The following CACNA2D2 variants were observed in gnomAD, a reference collection of about 807,000 sequenced individuals.
The protein encoded by CACNA2D2 is voltage-dependent calcium channel subunit alpha-2/delta-2.
Under a neutral mutation model 166.4 loss-of-function variants are expected in CACNA2D2, and 48 were observed. The ratio of observed to expected loss-of-function variants is 0.29; its 90% CI spans 0.23 to 0.37. CACNA2D2 has a LOEUF of 0.37. Among genes scored for constraint, CACNA2D2 ranks in the 10% least tolerant of loss-of-function variants. CACNA2D2 has a pLI of 1.00. For missense variants in CACNA2D2, 1,122 were observed against 1,433.0 expected, an observed-to-expected ratio of 0.78 and a Z score of 3.50; for synonymous variants, 561 against 573.7, an observed-to-expected ratio of 0.98 and a Z score of 0.32.
At chr3:50,384,818 G>C (rs1253582541) in intron 5 of CACNA2D2, among the ~76,000 whole-genome samples, 1 of 152,198 alleles carries the variant, frequency 6.6e-6, no homozygotes, top group Non-Finnish European at 1.5e-5. Flanking sequence ...GTTCCTCTGG[G>C]ACCAGGGAGA....
In CACNA2D2 at chr3:50,440,704, C is replaced by T. The variant is rs865910061; in HGVS notation, c.289-6275G>A. ...GGCGGCCCATTAATAGCACTATCCT[C>T]CCCCACCCCCACCTCCTTACATCCC... On this transcript the variant is annotated intron_variant, in intron 2 of 37. Transcript: ENST00000424201. 2.0e-5 allele frequency among the ~76,000 whole-genome samples: 3 copies of T among 152,100 alleles called. No homozygotes were observed. The South Asian group carries it at 6.2e-4, about 32-fold the overall frequency.
At chr3:50,426,847 C>G (rs1450249962) in intron 3 of CACNA2D2, among the ~76,000 whole-genome samples, 1 of 152,208 alleles carries the variant, frequency 6.6e-6, no homozygotes, top group East Asian at 1.9e-4. Flanking sequence ...ACCACTAGCT[C>G]AGGCGGGTGG....
intron 1 of CACNA2D2, among the ~76,000 whole-genome samples, chr3:50,499,347 T>C (rs1005485138): frequency 6.6e-6 from 1 of 152,184 alleles, no homozygotes; most frequent in African/African-American, 2.4e-5. Context: ...GCAGTAAGAC[T>C]GGCTACCGCC....
intron 3 of CACNA2D2, among the ~76,000 whole-genome samples, chr3:50,426,603 G>C (rs982839474): frequency 1.3e-5 from 2 of 152,170 alleles, no homozygotes; most frequent in Non-Finnish European, 2.9e-5. Context: ...CAGGCTCTGT[G>C]GGCCTCAGGA....
At chr3:50,475,008 C>T (rs1011164333) in intron 2 of CACNA2D2, among the ~76,000 whole-genome samples, 5 of 152,164 alleles carry the variant, frequency 3.3e-5, no homozygotes, top group African/African-American at 9.7e-5. Flanking sequence ...CAGACCTGGA[C>T]TCTCCCTTCC....
At chr3:50,495,504 G>A (rs950805224) in intron 1 of CACNA2D2, among the ~76,000 whole-genome samples, 1 of 152,242 alleles carries the variant, frequency 6.6e-6, no homozygotes, top group Admixed American at 6.5e-5. Flanking sequence ...CCTTATTTAT[G>A]AAGACTCAGT....
chr3:50,480,191 A>G (rs1575756784), intron 1 of CACNA2D2, among the ~76,000 whole-genome samples: 2 of 152,206 alleles, frequency 1.3e-5, no homozygotes, highest in Non-Finnish European at 2.9e-5. Context: ...CATCTATTCC[A>G]TGATCCCATC....
chr3:50,398,964 T>C (rs961319792), intron 3 of CACNA2D2, among the ~76,000 whole-genome samples: 1 of 152,192 alleles, frequency 6.6e-6, no homozygotes, highest in Admixed American at 6.5e-5. Flanking sequence ...TCTCACTATG[T>C]TAAACAGCTT....
Position 50,424,093 on chromosome 3 carries a change from C to T in CACNA2D2, c.405+10220G>A, listed in dbSNP as rs9875233. 7.2e-3 allele frequency among the ~76,000 whole-genome samples: 1,092 copies of T among 152,362 alleles called. 12 individuals are homozygous for T. The highest frequency in any genetic ancestry group is 0.049 in the East Asian group (254 of 5,184). ...AACTGTACTGGTAGGGAAACTGAGG[C>T]TCACAGAGTGTGAGGTTTGCCAAGG... On this transcript the variant is annotated intron_variant, in intron 3 of 37. Coordinates refer to ENST00000424201, the MANE Select transcript of CACNA2D2 (RefSeq NM_006030.4).
chr3:50,443,195 G>A (rs563005433), intron 2 of CACNA2D2, among the ~76,000 whole-genome samples: 22 of 152,304 alleles, frequency 1.4e-4, no homozygotes, highest in African/African-American at 4.8e-4. Context: ...GGGTGCGGCC[G>A]GCTGGTGTGG....
chr3:50,384,610 A>G (rs1053624317), intron 5 of CACNA2D2, among the ~76,000 whole-genome samples: 3 of 152,134 alleles, frequency 2.0e-5, no homozygotes, highest in Admixed American at 6.5e-5. Context: ...TAAAACCGAA[A>G]GGAAACCAAC....
At chr3:50,385,357 C>G (rs1444469358) in intron 5 of CACNA2D2, among the ~76,000 whole-genome samples, 2 of 152,188 alleles carry the variant, frequency 1.3e-5, no homozygotes, top group Non-Finnish European at 2.9e-5. Flanking sequence ...CACTGCCCCT[C>G]AAAGCCTCTG....
intron 1 of CACNA2D2, among the ~76,000 whole-genome samples, chr3:50,479,253 A>C (rs919333420): frequency 6.6e-6 from 1 of 152,154 alleles, no homozygotes; most frequent in African/African-American, 2.4e-5. Context: ...TATGGGCTGC[A>C]GGAACTGGCC....
At chr3:50,398,166 G>T (rs1418286190) in intron 3 of CACNA2D2, among the ~76,000 whole-genome samples, 1 of 152,166 alleles carries the variant, frequency 6.6e-6, no homozygotes, top group East Asian at 1.9e-4. Context: ...TCTCTGGAGT[G>T]CCTGCCTGTC....
At chr3:50,418,628 G>C (rs743754) in intron 3 of CACNA2D2, among the ~76,000 whole-genome samples, 14,475 of 152,280 alleles carry the variant, frequency 0.095, 2,003 homozygotes, top group African/African-American at 0.3. Flanking sequence ...TGGGGGGCCA[G>C]TGTGCAGGGA....
chr3:50,436,236 C>T (rs1243372489), intron 2 of CACNA2D2, among the ~76,000 whole-genome samples: 2 of 152,314 alleles, frequency 1.3e-5, no homozygotes, highest in East Asian at 3.9e-4. Flanking sequence ...GGTGCCCCGA[C>T]CCATTTGCAC....
At chr3:50,419,130 C>T (rs1575658179) in intron 3 of CACNA2D2, among the ~76,000 whole-genome samples, 3 of 152,178 alleles carry the variant, frequency 2.0e-5, no homozygotes, top group Middle Eastern at 3.4e-3. Context: ...TCTCTAGAGG[C>T]GGAGCCACGG....
At chr3:50,433,374 A>T (rs1359978549) in intron 3 of CACNA2D2, among the ~76,000 whole-genome samples, 2 of 151,170 alleles carry the variant, frequency 1.3e-5, no homozygotes, top group East Asian at 1.9e-4. Flanking sequence ...TTTTTTTTTT[A>T]AAGAGATGAG....
At chr3:50,463,400 G>A (rs191366840) in intron 2 of CACNA2D2, among the ~76,000 whole-genome samples, 1 of 152,052 alleles carries the variant, frequency 6.6e-6, no homozygotes, top group East Asian at 1.9e-4. Context: ...CTCAGCTCAC[G>A]CAATCCTTCC....
Sources: gnomAD v4.1 joint callset for allele counts (sites outside exome capture counted in the v4.1 genomes callset) on GRCh38, gnomAD v4.1.1 for gene constraint, MANE v1.5 for transcripts, NCBI Gene and HGNC (gene_info 2026-07-23, HGNC 2026-07-21) for gene names.